The following ERBB4 variants were observed in gnomAD, a reference collection of about 807,000 sequenced individuals.
The protein encoded by ERBB4 is erb-b2 receptor tyrosine kinase 4.
Under a neutral mutation model 158.0 loss-of-function variants are expected in ERBB4, and 42 were observed. That is an observed-to-expected ratio of 0.27 (90% CI 0.21 to 0.34). The LOEUF (loss-of-function observed/expected upper bound fraction) is 0.34, where lower values mean the gene tolerates loss of function less well. Among genes scored for constraint, ERBB4 ranks in the 10% least tolerant of loss-of-function variants. The pLI, the probability that ERBB4 is intolerant of heterozygous loss-of-function variation, is 1.00. For synonymous variants in ERBB4, 583 were observed against 558.7 expected, an observed-to-expected ratio of 1.04 and a Z score of -0.61; for missense variants, 1,333 against 1,624.1, an observed-to-expected ratio of 0.82 and a Z score of 3.08.
chr2:212,214,854 T>C (rs1428842544), intron 1 of ERBB4, among the ~76,000 whole-genome samples: 1 of 151,706 alleles, frequency 6.6e-6, no homozygotes, highest in African/African-American at 2.4e-5. Flanking sequence ...GACACAACTC[T>C]ATGTTTATTA....
chr2:211,913,704 G>C (rs1229283537), intron 3 of ERBB4, among the ~76,000 whole-genome samples: 2 of 150,844 alleles, frequency 1.3e-5, no homozygotes, highest in Non-Finnish European at 3.0e-5. Flanking sequence ...TAGAGAGAGA[G>C]AGCAATAAAA....
At chr2:211,471,252 G>A (rs997713652) in intron 20 of ERBB4, among the ~76,000 whole-genome samples, 20 of 152,204 alleles carry the variant, frequency 1.3e-4, no homozygotes, top group Admixed American at 5.9e-4. Flanking sequence ...ATTGAAAGTA[G>A]AACCTCCAGC....
intron 2 of ERBB4, among the ~76,000 whole-genome samples, chr2:212,110,590 T>C (rs557852024): frequency 6.6e-6 from 1 of 152,332 alleles, no homozygotes; most frequent in South Asian, 2.1e-4. Context: ...GATATCTAAG[T>C]CCTTTAACTG....
chr2:212,504,822 T>C (rs773547465), intron 1 of ERBB4, among the ~76,000 whole-genome samples: 4 of 152,188 alleles, frequency 2.6e-5, no homozygotes, highest in Non-Finnish European at 4.4e-5. Context: ...CCAAATCACC[T>C]TCTCTCCAAG....
chr2:212,122,520 C>T (rs2079788827), intron 2 of ERBB4, among the ~76,000 whole-genome samples: 1 of 151,976 alleles, frequency 6.6e-6, no homozygotes, highest in Admixed American at 6.5e-5. Context: ...AGTTAGGAAC[C>T]AAAATTTACT....
intron 3 of ERBB4, among the ~76,000 whole-genome samples, chr2:211,829,743 T>A (rs2077179932): frequency 1.3e-5 from 2 of 152,312 alleles, no homozygotes; most frequent in South Asian, 4.1e-4. Context: ...TTATCTATTG[T>A]CCTTCCTTCA....
At chr2:211,696,709 G>A (rs1254291990) in intron 12 of ERBB4, among the ~76,000 whole-genome samples, 1 of 151,574 alleles carries the variant, frequency 6.6e-6, no homozygotes, top group African/African-American at 2.4e-5. Flanking sequence ...ACTCTCTGTT[G>A]CCCAGGCTGG....
intron 3 of ERBB4, among the ~76,000 whole-genome samples, chr2:211,813,793 GA>G (rs1396950478): frequency 1.3e-5 from 2 of 148,820 alleles, no homozygotes; most frequent in African/African-American, 4.9e-5. Flanking sequence ...TGATATACTT[GA>G]AAATCCTAAT....
chr2:212,334,398 G>A (rs577923635), intron 1 of ERBB4, among the ~76,000 whole-genome samples: 1 of 152,052 alleles, frequency 6.6e-6, no homozygotes, highest in South Asian at 2.1e-4. Context: ...GTCTTGCTCT[G>A]TACAAAGAAG....
intron 1 of ERBB4, among the ~76,000 whole-genome samples, chr2:212,514,275 T>A (rs1357587388): frequency 1.3e-5 from 2 of 152,068 alleles, no homozygotes; most frequent in African/African-American, 4.8e-5. Flanking sequence ...CTTTTTCACA[T>A]GGTAAAAGTA....
At chr2:211,393,154 T>C (rs1444740954) in intron 25 of ERBB4, among the ~76,000 whole-genome samples, 2 of 152,164 alleles carry the variant, frequency 1.3e-5, no homozygotes, top group Admixed American at 1.3e-4. Context: ...TTTTCTTAAG[T>C]CAGTCCTCAA....
At chr2:212,076,338 T>G (rs548298754) in intron 2 of ERBB4, among the ~76,000 whole-genome samples, 20 of 152,056 alleles carry the variant, frequency 1.3e-4, no homozygotes, top group African/African-American at 4.3e-4. Flanking sequence ...ATGAGAGAGA[T>G]AAATATTGAA....
chr2:211,634,178 G>C (rs1195164951), intron 16 of ERBB4, among the ~76,000 whole-genome samples: 1 of 152,106 alleles, frequency 6.6e-6, no homozygotes, highest in African/African-American at 2.4e-5. Flanking sequence ...GAAAAATGCA[G>C]AAGAAAAAAT....
chr2:211,510,373 C>T (rs1378060135), intron 20 of ERBB4, among the ~76,000 whole-genome samples: 1 of 152,028 alleles, frequency 6.6e-6, no homozygotes, highest in Admixed American at 6.5e-5. Context: ...ACAAAGTTCA[C>T]TATTTAGTGC....
intron 2 of ERBB4, among the ~76,000 whole-genome samples, chr2:212,024,512 C>T (rs2076729763): frequency 6.6e-6 from 1 of 151,950 alleles, no homozygotes; most frequent in Non-Finnish European, 1.5e-5. Flanking sequence ...TCAAGTTGTT[C>T]CTTAGATCTC....
chr2:212,178,279 G>A (rs1392966244), intron 1 of ERBB4, among the ~76,000 whole-genome samples: 3 of 151,540 alleles, frequency 2.0e-5, no homozygotes, highest in Non-Finnish European at 4.4e-5. Flanking sequence ...ACCCATATTG[G>A]AGGATGTTTA....
At chr2:211,690,038 T>C (rs186770609) in intron 12 of ERBB4, among the ~76,000 whole-genome samples, 5 of 148,566 alleles carry the variant, frequency 3.4e-5, no homozygotes, top group African/African-American at 7.3e-5. Context: ...TTTATAGATA[T>C]GATATATAAA....
At chr2:212,321,175 A>G (rs2087552439) in intron 1 of ERBB4, among the ~76,000 whole-genome samples, 1 of 150,342 alleles carries the variant, frequency 6.7e-6, no homozygotes, top group African/African-American at 2.4e-5. Flanking sequence ...TGTTATTACA[A>G]TGTTTTAAGT....
At chr2:211,748,293 A>C (rs966315292) in intron 5 of ERBB4, among the ~76,000 whole-genome samples, 3 of 152,160 alleles carry the variant, frequency 2.0e-5, no homozygotes, top group Non-Finnish European at 4.4e-5. Context: ...AATTTTAATT[A>C]ATAGTGTTAT....
Sources: gnomAD v4.1 joint callset for allele counts (sites outside exome capture counted in the v4.1 genomes callset) on GRCh38, gnomAD v4.1.1 for gene constraint, MANE v1.5 for transcripts, NCBI Gene and HGNC (gene_info 2026-07-23, HGNC 2026-07-21) for gene names.